Variants in TIMP3 observed in about 807,000 individuals in gnomAD.
The protein encoded by TIMP3 is metalloproteinase inhibitor 3.
TIMP3 carries 11 observed loss-of-function variants against 30.0 expected under a neutral mutation model. The observed-to-expected ratio is 0.37, with a 90% CI of 0.23 to 0.61. TIMP3 has a LOEUF of 0.61. Among genes scored for constraint, TIMP3 ranks in the 20% least tolerant of loss-of-function variants. The pLI, the probability that TIMP3 is intolerant of heterozygous loss-of-function variation, is 0.70. For missense variants in TIMP3, 181 were observed against 276.8 expected, an observed-to-expected ratio of 0.65 and a Z score of 2.45; for synonymous variants, 112 against 111.3, an observed-to-expected ratio of 1.01 and a Z score of -0.04.
intron 1 of TIMP3, among the ~76,000 whole-genome samples, chr22:32,807,347 A>ATGT (rs1491577264): frequency 2.9e-5 from 1 of 34,090 alleles, no homozygotes; most frequent in African/African-American, 7.2e-5. Flanking sequence ...TATAATATAT[A>ATGT]AATATATAAT....
chr22:32,802,156 G>A, intron 1 of TIMP3, 34 bp downstream of exon 1: 1 of 1,565,242 alleles, frequency 6.4e-7, no homozygotes, highest in Non-Finnish European at 8.6e-7. Flanking sequence ...CGAGCCCCAC[G>A]CTGCAGCCAG....
rs1791696944 is a variant in TIMP3, at chr22:32,801,955, C to CT, written c.-44dup. ...GCCCCGCCGGCGGCGCGCACGGCAA[C>CT]TTTGGAGAGGCGAGCAGCAGCCCCG... is the stretch of plus-strand genomic sequence containing the variant. On this transcript the variant is annotated 5_prime_UTR_variant, in exon 1 of 5. Transcript: ENST00000266085. The surrounding 1 kb of genome is among the most constrained non-coding windows in gnomAD (Gnocchi z 4.7). 1 of 1,564,752 alleles carries CT rather than the reference C, an allele frequency of 6.4e-7. No individual in the cohort carries two copies. Among genetic ancestry groups the CT allele is most frequent in the Non-Finnish European group, 8.6e-7 (1 of 1,164,096 alleles).
intron 1 of TIMP3, among the ~76,000 whole-genome samples, chr22:32,836,642 T>C (rs1249285287): frequency 2.6e-5 from 4 of 152,172 alleles, no homozygotes; most frequent in Non-Finnish European, 4.4e-5. Flanking sequence ...TGTTCCTACC[T>C]GAGTGCCCAC....
At chr22:32,836,986 G>A (rs867594132) in intron 1 of TIMP3, among the ~76,000 whole-genome samples, 4 of 152,210 alleles carry the variant, frequency 2.6e-5, no homozygotes, top group South Asian at 4.1e-4. Context: ...GCATCTGCGG[G>A]TCTGGCGTGC....
chr22:32,828,970 C>T (rs1182572367), intron 1 of TIMP3, among the ~76,000 whole-genome samples: 1 of 152,158 alleles, frequency 6.6e-6, no homozygotes, highest in African/African-American at 2.4e-5. Context: ...TACATTGGTC[C>T]TTACCTCCCC....
At chr22:32,839,700 C>T (rs946091851) in intron 1 of TIMP3, among the ~76,000 whole-genome samples, 1 of 152,132 alleles carries the variant, frequency 6.6e-6, no homozygotes, top group East Asian at 1.9e-4. Flanking sequence ...CAGGCATATA[C>T]CTAGAAGGAG....
intron 1 of TIMP3, among the ~76,000 whole-genome samples, chr22:32,829,792 G>T (rs1429822394): frequency 1.3e-5 from 2 of 152,244 alleles, no homozygotes; most frequent in African/African-American, 4.8e-5. Flanking sequence ...CAGAAGGAAG[G>T]TTTGTCAGCG....
Position 32,827,935 on chromosome 22 carries a change from G to A in TIMP3, c.122-21517G>A, listed in dbSNP as rs935982311. Among the ~76,000 whole-genome samples, 13 of 152,244 alleles carry A rather than the reference G, an allele frequency of 8.5e-5. No individual in the cohort carries two copies. In the East Asian group the frequency reaches 1.5e-3, roughly 18 times the overall value. On this transcript the variant is annotated intron_variant, in intron 1 of 4. Transcript: ENST00000266085. ...AGGTCTCAACTCAAATGTCACCTTC[G>A]TAGAGAGGCCTTCCTTGCCTCCCTT...
At chr22:32,811,306 A>G (rs2145988765) in intron 1 of TIMP3, among the ~76,000 whole-genome samples, 1 of 152,348 alleles carries the variant, frequency 6.6e-6, no homozygotes, top group Non-Finnish European at 1.5e-5. Context: ...AAGTCTAAAA[A>G]GTTGTAGCCC....
chr22:32,824,632 T>C (rs371327579), intron 1 of TIMP3, among the ~76,000 whole-genome samples: 61 of 152,326 alleles, frequency 4.0e-4, no homozygotes, highest in African/African-American at 1.2e-3. Context: ...GCATGTATGA[T>C]ATAAATTCTC....
At chr22:32,812,451 C>T (rs713685) in intron 1 of TIMP3, among the ~76,000 whole-genome samples, 11,611 of 152,198 alleles carry the variant, frequency 0.076, 546 homozygotes, top group Non-Finnish European at 0.11. Flanking sequence ...CAGACTTAGT[C>T]GATGGCTAGA....
intron 1 of TIMP3, among the ~76,000 whole-genome samples, chr22:32,810,763 G>C (rs528443216): frequency 6.6e-6 from 1 of 152,150 alleles, no homozygotes; most frequent in African/African-American, 2.4e-5. Context: ...TCGCAACCAG[G>C]GTCAGATTTC....
At chr22:32,832,953 G>A (rs1001694558) in intron 1 of TIMP3, among the ~76,000 whole-genome samples, 2 of 151,920 alleles carry the variant, frequency 1.3e-5, no homozygotes, top group African/African-American at 4.8e-5. Flanking sequence ...GGCTGGTCTC[G>A]CACTCCTGAG....
chr22:32,825,172 C>T (rs1198247539), intron 1 of TIMP3, among the ~76,000 whole-genome samples: 7 of 151,954 alleles, frequency 4.6e-5, no homozygotes, highest in South Asian at 2.1e-4. Context: ...TGGGTGAGCT[C>T]GTGGGAACTG....
Position 32,862,513 on chromosome 22 carries a change from C to T in TIMP3, c.*3136C>T, listed in dbSNP as rs778936027. 1 of 152,226 alleles carries T rather than the reference C, an allele frequency of 6.6e-6. No individual in the cohort carries two copies. Among genetic ancestry groups the T allele is most frequent in the Non-Finnish European group, 1.5e-5 (1 of 68,056 alleles). 9.4% of individuals were successfully genotyped at this position (152,226 alleles called of 1,614,324 possible). A position where few individuals can be genotyped will look rare whatever the true frequency, so the allele number is the denominator to read the frequency against. ...AGACACTACCCTTCCATGCCCCAGA[C>T]CTCTGTCTTGCATGTGACAATTGAC... is the stretch of plus-strand genomic sequence containing the variant. On this transcript the variant is annotated 3_prime_UTR_variant, in exon 5 of 5. Transcript: ENST00000266085.
chr22:32,802,057 G>A lies in TIMP3; in HGVS notation c.56G>A (p.Trp19Ter). Residue 19 changes from tryptophan to a stop codon, truncating the protein, a stop_gained, in exon 1 of 5, where the codon TGG (tryptophan) becomes TAG (stop). Coordinates refer to ENST00000266085, the MANE Select transcript of TIMP3 (RefSeq NM_000362.5). LOFTEE classifies it high-confidence loss of function. ...CTGGGCAGCTGGAGCCTGGGGGACT[G>A]GGGCGCCGAGGCGTGCACATGCTCG... Reference protein sequence around the residue: ...VLLGSWSLGDWGAEACTCSPS... With the variant: ...VLLGSWSLGD 6.3e-7 allele frequency: 1 copy of A among 1,576,302 alleles called. No individual in the cohort carries two copies. Among genetic ancestry groups the A allele is most frequent in the Non-Finnish European group, 8.6e-7 (1 of 1,165,902 alleles).
intron 4 of TIMP3, 138 bp downstream of exon 4, chr22:32,858,276 C>A: frequency 8.0e-7 from 1 of 1,245,712 alleles, no homozygotes; most frequent in African/African-American, 1.5e-5. Flanking sequence ...AGGGGCAGGT[C>A]TGAGCAGATA....
intron 1 of TIMP3, among the ~76,000 whole-genome samples, chr22:32,806,475 T>C (rs2046739821): frequency 1.3e-5 from 2 of 152,162 alleles, no homozygotes; most frequent in Admixed American, 6.5e-5. Context: ...AGGAGGCCCC[T>C]TCTTCTACCT....
At chr22:32,856,433 C>T (rs1033314117) in intron 2 of TIMP3, among the ~76,000 whole-genome samples, 4 of 152,030 alleles carry the variant, frequency 2.6e-5, no homozygotes, top group African/African-American at 7.2e-5. Flanking sequence ...GATCAGTGAC[C>T]GGCCACTGGA....
Sources: gnomAD v4.1 joint callset for allele counts (sites outside exome capture counted in the v4.1 genomes callset) on GRCh38, gnomAD v4.1.1 for gene constraint, Gnocchi (gnomAD v3.1) non-coding constraint, MANE v1.5 for transcripts, NCBI Gene and HGNC (gene_info 2026-07-23, HGNC 2026-07-21) for gene names.